Variants in EPC2 observed in about 807,000 individuals in gnomAD.
EPC2 encodes the protein enhancer of polycomb 2.
EPC2 carries 14 observed loss-of-function variants against 92.1 expected under a neutral mutation model. The observed-to-expected ratio is 0.15, with a 90% CI of 0.10 to 0.24. EPC2 has a LOEUF of 0.24. EPC2 is among the 10% of genes least tolerant of loss of function. The pLI, the probability that EPC2 is intolerant of heterozygous loss-of-function variation, is 1.00. For missense variants in EPC2, 755 were observed against 971.5 expected, an observed-to-expected ratio of 0.78 and a Z score of 2.96; for synonymous variants, 340 against 334.7, an observed-to-expected ratio of 1.02 and a Z score of -0.17.
chr2:148,743,022 G>A (rs746193502), intron 2 of EPC2, among the ~76,000 whole-genome samples: 19 of 152,060 alleles, frequency 1.2e-4, no homozygotes, highest in Non-Finnish European at 2.2e-4. Flanking sequence ...TTTTTAATCA[G>A]TGTTATGGCT....
intron 1 of EPC2, among the ~76,000 whole-genome samples, chr2:148,679,022 C>T (rs990385366): frequency 3.3e-5 from 5 of 152,204 alleles, no homozygotes; most frequent in African/African-American, 1.2e-4. Context: ...GCACCCCAGC[C>T]TGGGTGACAG....
At chr2:148,712,409 C>T (rs530222909) in intron 2 of EPC2, among the ~76,000 whole-genome samples, 24 of 151,948 alleles carry the variant, frequency 1.6e-4, no homozygotes, top group East Asian at 9.6e-4. Context: ...TGCTGTCATT[C>T]GACACACAGA....
intron 10 of EPC2, among the ~76,000 whole-genome samples, chr2:148,780,708 T>C (rs537967709): frequency 3.9e-5 from 6 of 152,274 alleles, no homozygotes; most frequent in African/African-American, 1.2e-4. Flanking sequence ...TTGATTGAAA[T>C]CATTGGGAGA....
chr2:148,753,945 G>A lies in EPC2; in HGVS notation c.478G>A (p.Ala160Thr). ...SSNQLVTLQE[A>T]KLLLNEDDYL... The stretch of plus-strand genomic sequence containing the variant: ...CATTTAGCTTGTAACACTTCAAGAA[G>A]CAAAACTGCTGCTAAACGAAGATGA... The change falls in exon 4 of 14, where the codon GCA becomes ACA. Residue 160 changes from alanine to threonine, a missense_variant. Around this residue, in one of 4 missense-constraint regions of EPC2, gnomAD observed 509 missense variants for 607.7 expected, o/e 0.84. Coordinates refer to ENST00000258484, the MANE Select transcript of EPC2 (RefSeq NM_015630.4). The A allele has an allele frequency of 6.2e-7, 1 of 1,610,536 alleles. No individual in the cohort carries two copies. The highest frequency in any genetic ancestry group is 1.7e-4 in the Middle Eastern group (1 of 6,058).
rs552172790 is a variant in EPC2, at chr2:148,786,660, A to T, written c.*283A>T. The T allele has an allele frequency of 3.5e-5, 9 of 253,522 alleles. No homozygotes were observed. In the South Asian group the frequency reaches 9.3e-4, roughly 26 times the overall value. The allele number at this position is 253,522 out of a possible 1,614,324, so 15.7% of individuals were successfully genotyped here. ...TTGAATTTGCAACTGAATGGATTTTAAAAAATAATTCTTTAATGGGATCAT... is the reference window on the plus strand; with the variant it reads ...TTGAATTTGCAACTGAATGGATTTTTAAAAATAATTCTTTAATGGGATCAT... On this transcript the variant is annotated 3_prime_UTR_variant, in exon 14 of 14. Coordinates refer to ENST00000258484, the MANE Select transcript of EPC2 (RefSeq NM_015630.4).
At chr2:148,739,138 G>A (rs116539087) in intron 2 of EPC2, among the ~76,000 whole-genome samples, 1 of 152,196 alleles carries the variant, frequency 6.6e-6, no homozygotes, top group African/African-American at 2.4e-5. Flanking sequence ...AAAAGAAGCT[G>A]AAAGTGTGCT....
chr2:148,770,899 T>C lies in EPC2; in HGVS notation c.1338T>C (p.Cys446=), dbSNP rs1558835796. 1 of 1,613,146 alleles carries C rather than the reference T, an allele frequency of 6.2e-7. No homozygotes were observed. Among genetic ancestry groups the C allele is most frequent in the Non-Finnish European group, 8.5e-7 (1 of 1,179,724 alleles). Residue 446 remains cysteine, a synonymous_variant, in exon 9 of 14, where the codon TGT becomes TGC. Transcript: ENST00000258484. ...CAACACTTACAGTCCCAAGAAGATG[T>C]ATAGGATTTGCAAGGAGGCGAATTG... ...CLTTLTVPRR[C]IGFARRRIGR...
rs1417052103 is a variant in EPC2 at position 148,744,995 on chromosome 2, C to G, written c.459+1228C>G. ...ATATTTAGCCTATCAGTTTGCCCCC[C>G]CCCCCCGCACCATTTTGATGAAAAA... On this transcript the variant is annotated intron_variant, in intron 3 of 13. Transcript: ENST00000258484. Among the ~76,000 whole-genome samples the G allele has an allele frequency of 4.2e-5, 5 of 118,382 alleles. No individual in the cohort carries two copies. The East Asian group carries it at 1.2e-3, about 28-fold the overall frequency. 77.7% of individuals were successfully genotyped at this position (118,382 alleles called of 152,430 possible). A position where few individuals can be genotyped will look rare whatever the true frequency, so the allele number is the denominator to read the frequency against.
intron 1 of EPC2, among the ~76,000 whole-genome samples, chr2:148,667,513 G>T (rs1681078382): frequency 6.6e-6 from 1 of 151,302 alleles, no homozygotes; most frequent in Non-Finnish European, 1.5e-5. Context: ...TATTCTAGTA[G>T]TTTTTTTTTG....
At chr2:148,693,641 A>G (rs1681684370) in intron 2 of EPC2, among the ~76,000 whole-genome samples, 1 of 152,116 alleles carries the variant, frequency 6.6e-6, no homozygotes, top group Non-Finnish European at 1.5e-5. Context: ...AATTTTTATT[A>G]CCTAGTACAG....
chr2:148,706,186 C>G (rs925555275), intron 2 of EPC2, among the ~76,000 whole-genome samples: 1 of 152,010 alleles, frequency 6.6e-6, no homozygotes, highest in Non-Finnish European at 1.5e-5. Flanking sequence ...AACCATGGCA[C>G]GAGAGCTTCG....
intron 2 of EPC2, among the ~76,000 whole-genome samples, chr2:148,717,826 C>G (rs1179773199): frequency 6.6e-6 from 1 of 152,090 alleles, no homozygotes; most frequent in Non-Finnish European, 1.5e-5. Flanking sequence ...TATGATCTGT[C>G]TAATATTGTC....
In EPC2 at chr2:148,784,931, G is replaced by T. The variant is rs771803325; in HGVS notation, c.2281G>T (p.Ala761Ser). The T allele has an allele frequency of 1.5e-5, 24 of 1,572,936 alleles. No individual in the cohort carries two copies. Among genetic ancestry groups the T allele is most frequent in the Non-Finnish European group, 2.0e-5 (23 of 1,158,440 alleles). ...ACCATCGCCAACAGCCTTAAAACTT[G>T]CCACAGTTGCTGCCAGTATGGACAG... ...SAPSPTALKLATVAASMDRVP... is the reference protein window; with the variant it reads ...SAPSPTALKLSTVAASMDRVP... Residue 761 changes from alanine (A) to serine (S), a missense_variant, in exon 13 of 14, where the codon GCC becomes TCC. This residue lies in a region of EPC2 where 207 missense variants were observed against 260.5 expected (regional missense o/e 0.79). Transcript: ENST00000258484.
chr2:148,758,470 A>G (rs1190258829), intron 4 of EPC2, among the ~76,000 whole-genome samples: 1 of 152,132 alleles, frequency 6.6e-6, no homozygotes. Flanking sequence ...ATCTCGCCCC[A>G]GTGCAACCTC....
chr2:148,710,748 A>C (rs567510661), intron 2 of EPC2, among the ~76,000 whole-genome samples: 19 of 152,332 alleles, frequency 1.2e-4, no homozygotes, highest in African/African-American at 3.8e-4. Flanking sequence ...TTGCAAGGGC[A>C]AAAAACCAAA....
intron 11 of EPC2, among the ~76,000 whole-genome samples, chr2:148,782,492 G>T (rs955228790): frequency 1.3e-4 from 19 of 151,232 alleles, no homozygotes; most frequent in African/African-American, 4.6e-4. Context: ...AGCTAAGATC[G>T]CACCACTGCA....
rs561637463 is a variant in EPC2 at position 148,761,772 on chromosome 2, T to C, written c.667-10T>C. ...GTTGTTTATTCTTCTAAAATTATTA[T>C]TTTTAATAGAATCGTAAGAATGATG... On this transcript the variant is annotated splice_polypyrimidine_tract_variant and intron_variant, in intron 4 of 13. Transcript: ENST00000258484. The C allele has an allele frequency of 7.5e-6, 11 of 1,463,982 alleles. No individual in the cohort carries two copies. The highest frequency in any genetic ancestry group is 1.0e-5 in the Non-Finnish European group (11 of 1,103,580). The allele number at this position is 1,463,982 out of a possible 1,614,324, so 90.7% of individuals were successfully genotyped here.
At position 148,743,735 on chromosome 2, in the gene EPC2, A is replaced by G. The variant is rs748457078; in HGVS notation, c.427A>G (p.Ile143Val). 5.6e-6 allele frequency: 9 copies of G among 1,602,522 alleles called. No individual in the cohort carries two copies. In the African/African-American group the frequency reaches 1.2e-4, roughly 22 times the overall value. The stretch of plus-strand genomic sequence containing the variant: ...TAAGCCTTTGCAATTTGAAATTATG[A>G]TTGACAGACTTGAAAAAGCCAGTTC... ...EIKPLQFEIM[I>V]DRLEKASSNQ... The change falls in exon 3 of 14, where the codon ATT becomes GTT. Residue 143 changes from isoleucine (I) to valine (V), a missense_variant. Transcript: ENST00000258484.
At chr2:148,669,878 C>G (rs1558803580) in intron 1 of EPC2, among the ~76,000 whole-genome samples, 1 of 152,036 alleles carries the variant, frequency 6.6e-6, no homozygotes, top group Non-Finnish European at 1.5e-5. Context: ...GTTTTTCAGT[C>G]TTGTTAGGAA....
Sources: gnomAD v4.1 joint callset for allele counts (sites outside exome capture counted in the v4.1 genomes callset) on GRCh38, gnomAD v4.1.1 for gene constraint, gnomAD v4.1.1 regional missense constraint, MANE v1.5 for transcripts, NCBI Gene and HGNC (gene_info 2026-07-23, HGNC 2026-07-21) for gene names.